Variants in GAK observed in about 807,000 individuals in gnomAD.
The protein encoded by GAK is cyclin G associated kinase.
GAK carries 79 observed loss-of-function variants against 143.9 expected under a neutral mutation model. The ratio of observed to expected loss-of-function variants is 0.55; its 90% CI spans 0.46 to 0.66. The LOEUF (loss-of-function observed/expected upper bound fraction) is 0.66. GAK is among the 30% of genes least tolerant of loss of function. GAK has a pLI of 0.00. For synonymous variants in GAK, 881 were observed against 765.5 expected, an observed-to-expected ratio of 1.15 and a Z score of -2.49; for missense variants, 1,693 against 1,779.7, an observed-to-expected ratio of 0.95 and a Z score of 0.88.
intron 4 of GAK, among the ~76,000 whole-genome samples, chr4:909,326 G>C (rs1577271380): frequency 6.6e-6 from 1 of 152,254 alleles, no homozygotes; most frequent in African/African-American, 2.4e-5. Flanking sequence ...CGCAGGAGCG[G>C]GTGTCAGAGT....
chr4:873,514 A>G (rs1449463516), intron 18 of GAK, among the ~76,000 whole-genome samples: 1 of 151,566 alleles, frequency 6.6e-6, no homozygotes, highest in Non-Finnish European at 1.5e-5. Flanking sequence ...AAAAAACTAT[A>G]TCCTGTTCTT....
In GAK at chr4:867,202, G is replaced by A. The variant is rs373562468; in HGVS notation, c.2626C>T (p.Pro876Ser). Residue 876 changes from proline (P) to serine (S), a missense_variant, in exon 21 of 28, where the codon CCA (proline) becomes TCA (serine). Around this residue, in one of 2 missense-constraint regions of GAK, gnomAD observed 822 missense variants for 788.7 expected, o/e 1.04. Coordinates refer to ENST00000314167, the MANE Select transcript of GAK (RefSeq NM_005255.4). ...AGGAGGTCGACCCCGTCTTCCTGTG[G>A]CACAGGCTCTGGCAGCACAGCCGGT... The part of the protein sequence containing the change: ...ETPAVLPEPV[P>S]QEDGVDLLGL... The A allele has an allele frequency of 2.1e-5, 34 of 1,611,242 alleles. No homozygotes were observed. In the Admixed American group the frequency reaches 2.3e-4, roughly 11 times the overall value.
rs1431185145 is a variant in GAK, at chr4:868,615, G to A, written c.2319C>T (p.Ala773=). 1.1e-5 allele frequency: 18 copies of A among 1,586,084 alleles called. No individual in the cohort carries two copies. The highest frequency in any genetic ancestry group is 1.8e-5 in the Admixed American group (1 of 56,154). ...QYDAGAGSPE[A]EPTDSDSPPS... is the part of the protein sequence containing the mutation. ...GCGGTGAGTCAGAGTCTGTGGGTTC[G>A]GCTTCCGGGGACCCTGCCCCAGCAT... The change falls in exon 20 of 28, where the codon GCC becomes GCT. Residue 773 remains alanine (A), a synonymous_variant. Coordinates refer to ENST00000314167, the MANE Select transcript of GAK (RefSeq NM_005255.4).
chr4:880,635 GCCT>G (rs1442307441), intron 15 of GAK, among the ~76,000 whole-genome samples: 1 of 151,792 alleles, frequency 6.6e-6, no homozygotes, highest in Non-Finnish European at 1.5e-5. Flanking sequence ...ACTCTTTCTG[GCCT>G]CCTTCTCTTC....
chr4:859,312 C>T (rs994386134), intron 24 of GAK: 24 of 1,339,414 alleles, frequency 1.8e-5, no homozygotes, highest in Non-Finnish European at 2.3e-5. Context: ...TGCAGAGACC[C>T]CGCCTCCCCG....
intron 9 of GAK, among the ~76,000 whole-genome samples, chr4:892,413 G>A (rs1717849126): frequency 6.6e-6 from 1 of 152,228 alleles, no homozygotes; most frequent in Non-Finnish European, 1.5e-5. Context: ...GTGAGGGCCG[G>A]GCCGCGTGTC....
chr4:926,284 A>G (rs868412099), intron 1 of GAK, among the ~76,000 whole-genome samples: 2 of 152,328 alleles, frequency 1.3e-5, no homozygotes, highest in South Asian at 4.1e-4. Flanking sequence ...GCCAAGGGTC[A>G]GCCGCAGCTG....
intron 1 of GAK, among the ~76,000 whole-genome samples, chr4:931,457 A>G (rs1311588379): frequency 7.4e-6 from 1 of 135,140 alleles, no homozygotes; most frequent in African/African-American, 2.8e-5. Context: ...ACTACCTGCA[A>G]CACGTGTGCA....
intron 1 of GAK, among the ~76,000 whole-genome samples, chr4:923,381 G>A (rs918436433): frequency 2.0e-5 from 3 of 152,156 alleles, no homozygotes; most frequent in African/African-American, 7.2e-5. Flanking sequence ...TTAAGGAACA[G>A]GCACAGGCCA....
At chr4:882,655 CT>C (rs1367769435) in intron 14 of GAK, 41 bp downstream of exon 14, 1 of 1,601,390 alleles carries the variant, frequency 6.2e-7, no homozygotes, top group South Asian at 1.1e-5. Context: ...AAATAATGAA[CT>C]TTGACAGAAG....
chr4:900,723 C>G (rs963993803), intron 5 of GAK, among the ~76,000 whole-genome samples: 9 of 152,180 alleles, frequency 5.9e-5, no homozygotes, highest in Admixed American at 2.6e-4. Flanking sequence ...AGGGGTCTTG[C>G]TTGCAACCTT....
intron 4 of GAK, among the ~76,000 whole-genome samples, chr4:910,343 G>A (rs1207789968): frequency 1.0e-5 from 1 of 99,650 alleles, no homozygotes; most frequent in African/African-American, 4.2e-5. Context: ...GAAGCTCAGG[G>A]CCCCCCCAAC....
chr4:925,969 C>G (rs917519543), intron 1 of GAK, among the ~76,000 whole-genome samples: 2 of 152,166 alleles, frequency 1.3e-5, no homozygotes, highest in Non-Finnish European at 2.9e-5. Context: ...AGGGGAGTGG[C>G]CCAGCCCAAC....
intron 5 of GAK, among the ~76,000 whole-genome samples, chr4:900,684 G>A (rs1719705196): frequency 6.6e-6 from 1 of 152,110 alleles, no homozygotes; most frequent in Non-Finnish European, 1.5e-5. Context: ...GTCAGAATGG[G>A]GCCTCAGGCG....
intron 5 of GAK, among the ~76,000 whole-genome samples, chr4:901,403 G>A (rs974965769): frequency 1.3e-5 from 2 of 152,312 alleles, no homozygotes; most frequent in African/African-American, 4.8e-5. Flanking sequence ...GGAGAGCCAC[G>A]GCCTTGGATC....
chr4:872,475 G>A (rs555032556), intron 18 of GAK: 4 of 152,450 alleles, frequency 2.6e-5, no homozygotes, highest in South Asian at 4.1e-4. Context: ...AGGAGGCAAC[G>A]TCTGCAGAGG....
chr4:893,734 CCA>C, intron 8 of GAK, 138 bp downstream of exon 8: 1 of 1,066,990 alleles, frequency 9.4e-7, no homozygotes, highest in Non-Finnish European at 1.3e-6. Flanking sequence ...AACCCCCCCC[CCA>C]GGGATGTTGT....
In GAK at chr4:865,198, G is replaced by A; in HGVS notation, c.3090C>T (p.Asn1030=). 1 of 1,613,110 alleles carries A rather than the reference G, an allele frequency of 6.2e-7. No homozygotes were observed. The highest frequency in any genetic ancestry group is 8.5e-7 in the Non-Finnish European group (1 of 1,179,784). ...CAGCCCATCCTCCCAGCAGGTCTGG[G>A]TTGCTGGACGAGGCTGTCATCTTGC... The part of the protein sequence containing the change: ...EPSKMTASSS[N]PDLLGGWAAW... The change falls in exon 23 of 28, where the codon AAC becomes AAT. Residue 1030 remains asparagine, a synonymous_variant. Transcript: ENST00000314167.
At chr4:912,381 C>A in intron 3 of GAK, 1 of 371,636 alleles carries the variant, frequency 2.7e-6, no homozygotes, top group East Asian at 6.6e-5. Flanking sequence ...GGAGCCAGGC[C>A]ATCTGCACGG....
Sources: allele counts gnomAD v4.1 joint callset (sites outside exome capture counted in the v4.1 genomes callset), GRCh38; gene constraint gnomAD v4.1.1; regional missense constraint gnomAD v4.1.1; transcripts MANE v1.5; gene names NCBI Gene and HGNC (gene_info 2026-07-23, HGNC 2026-07-21).